Variants in CEP128 observed in about 807,000 individuals in gnomAD.
The protein encoded by CEP128 is centrosomal protein 128.
In CEP128, 132 loss-of-function variants were observed where a neutral mutation model predicts 156.7. The ratio of observed to expected loss-of-function variants is 0.84; its 90% CI spans 0.73 to 0.97. The LOEUF is 0.97. CEP128 is among the 50% of genes least tolerant of loss of function. CEP128 has a pLI of 0.00. For missense variants in CEP128, 1,252 were observed against 1,281.9 expected (o/e 0.98, Z 0.36); for synonymous variants, 469 against 448.9 (o/e 1.04, Z -0.57).
chr14:80,822,181 C>T (rs1037096177), intron 13 of CEP128, among the ~76,000 whole-genome samples: 2 of 152,152 alleles, frequency 1.3e-5, no homozygotes, highest in African/African-American at 4.8e-5. Context: ...CAAAACCAAT[C>T]ATGCCTTCCC....
At chr14:80,777,113 C>T (rs1595382646) in intron 16 of CEP128, among the ~76,000 whole-genome samples, 1 of 152,120 alleles carries the variant, frequency 6.6e-6, no homozygotes, top group Admixed American at 6.5e-5. Context: ...AGTTTTGTCA[C>T]TCAAAAGGGA....
chr14:80,523,848 C>T (rs565508988), intron 23 of CEP128, among the ~76,000 whole-genome samples: 1 of 152,204 alleles, frequency 6.6e-6, no homozygotes, highest in East Asian at 1.9e-4. Context: ...TCCTCTAGAC[C>T]AGAGGTTGGA....
intron 19 of CEP128, among the ~76,000 whole-genome samples, chr14:80,728,103 T>C (rs1420085450): frequency 1.3e-5 from 2 of 152,144 alleles, no homozygotes; most frequent in Non-Finnish European, 2.9e-5. Context: ...TCAACCTAGA[T>C]ACACATCAGT....
chr14:80,760,008 C>T (rs1043961957), intron 17 of CEP128, among the ~76,000 whole-genome samples: 2 of 151,658 alleles, frequency 1.3e-5, no homozygotes, highest in Admixed American at 1.3e-4. Flanking sequence ...ACAAACCATG[C>T]TGTTACAAAT....
chr14:80,863,361 C>T (rs1887610364), intron 8 of CEP128, among the ~76,000 whole-genome samples: 1 of 152,148 alleles, frequency 6.6e-6, no homozygotes, highest in South Asian at 2.1e-4. Flanking sequence ...TTTACATTAG[C>T]TTATCAATCT....
At chr14:80,580,463 A>AC in intron 19 of CEP128, 40 bp from the exon 20 acceptor site, 1 of 1,270,546 alleles carries the variant, frequency 7.9e-7, no homozygotes, top group Non-Finnish European at 1.1e-6. Flanking sequence ...AATACAATGT[A>AC]AAAACGAGTT....
At chr14:80,521,840 G>C (rs1428812452) in intron 23 of CEP128, among the ~76,000 whole-genome samples, 1 of 152,126 alleles carries the variant, frequency 6.6e-6, no homozygotes, top group Non-Finnish European at 1.5e-5. Context: ...TAGTAGAAGG[G>C]CATTTCCCAA....
intron 9 of CEP128, 106 bp from the exon 10 acceptor site, chr14:80,840,874 T>G (rs7142753): frequency 0.44 from 300,749 of 690,800 alleles, 67,573 homozygotes; most frequent in Non-Finnish European, 0.48. Flanking sequence ...TGGATATGAG[T>G]TACACAAAAT....
rs149453609 is a variant in CEP128, at chr14:80,805,928, A to C, written c.1210-12818T>G. Among the ~76,000 whole-genome samples, 321 of 152,314 alleles carry C rather than the reference A, an allele frequency of 2.1e-3. 2 individuals carry two copies. Among genetic ancestry groups the C allele is most frequent in the African/African-American group, 7.5e-3 (312 of 41,580 alleles). The stretch of plus-strand genomic sequence containing the variant: ...AGAATACTATATTAACATTTTAGTC[A>C]ATTCTTTTCAACTCAAGCAAAACTA... On this transcript the variant is annotated intron_variant, in intron 13 of 24. Transcript: ENST00000555265.
chr14:80,734,529 A>G (rs1229597175), intron 19 of CEP128, among the ~76,000 whole-genome samples: 3 of 152,094 alleles, frequency 2.0e-5, no homozygotes, highest in Non-Finnish European at 4.4e-5. Context: ...ACATAGCAAT[A>G]AATGTTAGAT....
At chr14:80,822,622 T>C in intron 13 of CEP128, 1 of 728,748 alleles carries the variant, frequency 1.4e-6, no homozygotes, top group South Asian at 1.4e-5. Context: ...CTAAACCTGC[T>C]CCTCCAAAGC....
chr14:80,548,486 A>T (rs144269244), intron 21 of CEP128, among the ~76,000 whole-genome samples: 1 of 152,208 alleles, frequency 6.6e-6, no homozygotes, highest in Non-Finnish European at 1.5e-5. Flanking sequence ...TCTTAAAAAG[A>T]TATCAAATAT....
intron 19 of CEP128, among the ~76,000 whole-genome samples, chr14:80,730,339 T>G (rs528786634): frequency 6.6e-6 from 1 of 152,244 alleles, no homozygotes; most frequent in African/African-American, 2.4e-5. Flanking sequence ...CAACTGTAAT[T>G]TATATCTCTC....
chr14:80,894,588 A>T (rs572950267), intron 8 of CEP128: 1 of 468,690 alleles, frequency 2.1e-6, no homozygotes, highest in Admixed American at 2.3e-5. Flanking sequence ...ATTAGATACC[A>T]CATTGCCACA....
intron 19 of CEP128, among the ~76,000 whole-genome samples, chr14:80,593,546 CAAAAAAA>C (rs780221928): frequency 3.6e-4 from 28 of 77,852 alleles, no homozygotes; most frequent in Middle Eastern, 7.6e-3. Context: ...GACTCCATCT[CAAAAAAA>C]AAAAAAAAAA....
chr14:80,663,728 G>C (rs1458248261), intron 19 of CEP128, among the ~76,000 whole-genome samples: 1 of 152,170 alleles, frequency 6.6e-6, no homozygotes, highest in Non-Finnish European at 1.5e-5. Flanking sequence ...CCCCCTACAA[G>C]GGAGGAAGCT....
intron 19 of CEP128, among the ~76,000 whole-genome samples, chr14:80,708,474 T>C (rs1897296487): frequency 1.3e-5 from 2 of 151,848 alleles, no homozygotes; most frequent in African/African-American, 4.8e-5. Context: ...ACTGTTTCCA[T>C]TTTTTTTCGA....
chr14:80,608,192 C>G (rs1423117583), intron 19 of CEP128, among the ~76,000 whole-genome samples: 2 of 152,212 alleles, frequency 1.3e-5, no homozygotes, highest in Non-Finnish European at 2.9e-5. Flanking sequence ...TGATTTTCTT[C>G]ATAGTACTTT....
Position 80,781,909 on chromosome 14 carries a change from G to A in CEP128, c.2211+2986C>T, listed in dbSNP as rs968574424. 7.9e-5 allele frequency among the ~76,000 whole-genome samples: 12 copies of A among 152,278 alleles called. No homozygotes were observed. In the East Asian group the frequency reaches 2.3e-3, roughly 29 times the overall value. ...ATTACTAACTCCTGACCATTGTGTT[G>A]ATTATTATACAACCTAAATAATGGT... On this transcript the variant is annotated intron_variant, in intron 15 of 24. Transcript: ENST00000555265.
Sources: allele counts gnomAD v4.1 joint callset (sites outside exome capture counted in the v4.1 genomes callset), GRCh38; gene constraint gnomAD v4.1.1; transcripts MANE v1.5; gene names NCBI Gene and HGNC (gene_info 2026-07-23, HGNC 2026-07-21).